The following ZNF175 variants were observed in gnomAD, a reference collection of about 807,000 sequenced individuals.
ZNF175 encodes zinc finger protein 175, also known as zinc finger protein OTK18.
Under a neutral mutation model 14.0 loss-of-function variants are expected in ZNF175, and 8 were observed. That is an observed-to-expected ratio of 0.57 (90% CI 0.34 to 1.03). ZNF175 has a LOEUF of 1.03. ZNF175 is among the 50% of genes least tolerant of loss of function. The pLI is 0.03. For missense variants in ZNF175, 764 were observed against 849.5 expected (o/e 0.90, Z 1.25); for synonymous variants, 255 against 296.8 (o/e 0.86, Z 1.45).
intron 2 of ZNF175, among the ~76,000 whole-genome samples, chr19:51,577,379 C>T (rs1275945494): frequency 2.0e-5 from 3 of 152,032 alleles, no homozygotes; most frequent in Non-Finnish European, 4.4e-5. Context: ...TTTTTATGCT[C>T]TGTCATTTTC....
Position 51,588,507 on chromosome 19 carries a change from C to T in ZNF175, c.*40C>T. 1 of 1,497,526 alleles carries T rather than the reference C, an allele frequency of 6.7e-7. No individual in the cohort carries two copies. The highest frequency in any genetic ancestry group is 8.8e-7 in the Non-Finnish European group (1 of 1,131,548). 92.8% of individuals were successfully genotyped at this position (1,497,526 alleles called of 1,614,324 possible). A position where few individuals can be genotyped will look rare whatever the true frequency, so the allele number is the denominator to read the frequency against. On this transcript the variant is annotated 3_prime_UTR_variant, in exon 5 of 5. Transcript: ENST00000262259. ...AGCATATTCATAAATGAAATATACT[C>T]CGAGTTTCTTGAAGAAGAGAAAATC...
intron 2 of ZNF175, among the ~76,000 whole-genome samples, chr19:51,575,363 C>T (rs966544153): frequency 1.1e-4 from 16 of 151,824 alleles, no homozygotes; most frequent in African/African-American, 3.4e-4. Context: ...AGTACAGGCG[C>T]CTGACAGCAC....
At chr19:51,577,663 C>CTTTT (rs35533410) in intron 2 of ZNF175, among the ~76,000 whole-genome samples, 27 of 127,238 alleles carry the variant, frequency 2.1e-4, no homozygotes, top group African/African-American at 6.2e-4. Context: ...CTTTCTCTCT[C>CTTTT]TTTTTTTTTT....
chr19:51,589,340 G>A lies in ZNF175; in HGVS notation c.*873G>A. On this transcript the variant is annotated 3_prime_UTR_variant, in exon 5 of 5. Coordinates refer to ENST00000262259, the MANE Select transcript of ZNF175 (RefSeq NM_007147.4). The stretch of plus-strand genomic sequence containing the variant: ...CAGAATTCACTGCATAGCAGGAGAT[G>A]TAAGCAGATGAGTTATTTTTTAAGA... 1 of 573,788 alleles carries A rather than the reference G, an allele frequency of 1.7e-6. No individual in the cohort carries two copies. Among genetic ancestry groups the A allele is most frequent in the Non-Finnish European group, 3.1e-6 (1 of 325,450 alleles). The allele number at this position is 573,788 out of a possible 1,614,324, so 35.5% of individuals were successfully genotyped here. A position where few individuals can be genotyped will look rare whatever the true frequency, so the allele number is the denominator to read the frequency against.
rs370993582 is a variant in ZNF175 at position 51,581,523 on chromosome 19, C to T, written c.199+6C>T. ...TAGCCATCTCTTCGCAGTGGGTGAGCACAACTGACCTGGGAATCTTGGCTG... is the reference window on the plus strand; with the variant it reads ...TAGCCATCTCTTCGCAGTGGGTGAGTACAACTGACCTGGGAATCTTGGCTG... On this transcript the variant is annotated splice_donor_region_variant and intron_variant, in intron 3 of 4. Transcript: ENST00000262259. 187 of 1,607,270 alleles carry T rather than the reference C, an allele frequency of 1.2e-4. No homozygotes were observed. In the South Asian group the frequency reaches 2.0e-3, roughly 17 times the overall value.
chr19:51,574,796 G>A (rs1168929474), intron 2 of ZNF175, among the ~76,000 whole-genome samples: 6 of 152,176 alleles, frequency 3.9e-5, no homozygotes, highest in African/African-American at 1.2e-4. Flanking sequence ...CAAGTTTAGC[G>A]TTTTAGGACA....
intron 4 of ZNF175, among the ~76,000 whole-genome samples, chr19:51,582,630 C>G (rs1455261145): frequency 6.6e-6 from 1 of 152,162 alleles, no homozygotes; most frequent in African/African-American, 2.4e-5. Context: ...TTTCTAATAA[C>G]TGAATGGTGA....
In ZNF175 at chr19:51,587,025, C is replaced by G. The variant is rs188827294; in HGVS notation, c.694C>G (p.Leu232Val). ...QLDDVVGSGQLFSHSSSDACS... is the reference protein window; with the variant it reads ...QLDDVVGSGQVFSHSSSDACS... ...TGATGACGTTGTTGGGTCTGGTCAGCTATTCAGCCATAGCTCTTCTGATGC... is the reference window on the plus strand; with the variant it reads ...TGATGACGTTGTTGGGTCTGGTCAGGTATTCAGCCATAGCTCTTCTGATGC... Residue 232 changes from leucine to valine, a missense_variant, in exon 5 of 5, where the codon CTA (leucine) becomes GTA (valine). Physicochemically the swap from Leu to Val is conservative, Grantham distance 32. Coordinates refer to ENST00000262259, the MANE Select transcript of ZNF175 (RefSeq NM_007147.4). 3.5e-5 allele frequency: 57 copies of G among 1,614,180 alleles called. No individual in the cohort carries two copies. In the Admixed American group the frequency reaches 9.5e-4, roughly 27 times the overall value.
intron 2 of ZNF175, among the ~76,000 whole-genome samples, chr19:51,580,904 T>C (rs966262455): frequency 2.0e-5 from 3 of 152,242 alleles, no homozygotes; most frequent in Non-Finnish European, 2.9e-5. Flanking sequence ...TAGGTAGAAT[T>C]TGCCTTTCCC....
chr19:51,583,614 A>T (rs762950983), intron 4 of ZNF175, among the ~76,000 whole-genome samples: 2 of 152,184 alleles, frequency 1.3e-5, no homozygotes, highest in African/African-American at 2.4e-5. Flanking sequence ...GAGTTTAGTC[A>T]AGATACTGAC....
At position 51,589,848 on chromosome 19, in the gene ZNF175, T is replaced by C; in HGVS notation, c.*1381T>C. ...TGAAAATATCTACTCTCTGGCTCTT[T>C]ACAGAAAATGTTTGCCAGCACATGA... On this transcript the variant is annotated 3_prime_UTR_variant, in exon 5 of 5. Coordinates refer to ENST00000262259, the MANE Select transcript of ZNF175 (RefSeq NM_007147.4). 1.9e-6 allele frequency: 1 copy of C among 520,470 alleles called. No individual in the cohort carries two copies. The highest frequency in any genetic ancestry group is 3.4e-6 in the Non-Finnish European group (1 of 294,662). The allele number at this position is 520,470 out of a possible 1,614,324, so 32.2% of individuals were successfully genotyped here. A position where few individuals can be genotyped will look rare whatever the true frequency, so the allele number is the denominator to read the frequency against.
At chr19:51,575,709 G>A (rs1290221817) in intron 2 of ZNF175, among the ~76,000 whole-genome samples, 1 of 152,002 alleles carries the variant, frequency 6.6e-6, no homozygotes, top group African/African-American at 2.4e-5. Context: ...TAATTATTTT[G>A]GCATTTACCT....
rs1267212840 is a variant in ZNF175 at position 51,581,581 on chromosome 19, TGCAGAAC to T, written c.199+69_199+75del. The T allele has an allele frequency of 6.4e-6, 10 of 1,572,386 alleles. No individual in the cohort carries two copies. The East Asian group carries it at 2.2e-4, about 35-fold the overall frequency. On this transcript the variant is annotated intron_variant, in intron 3 of 4. Coordinates refer to ENST00000262259, the MANE Select transcript of ZNF175 (RefSeq NM_007147.4). ...TTGAGGAGATTTCCTTCCTCCTCAT[TGCAGAAC>T]GCAGTGGGATATCAAAGTATGTCAT...
chr19:51,576,038 A>G (rs1041214278), intron 2 of ZNF175, among the ~76,000 whole-genome samples: 3 of 152,124 alleles, frequency 2.0e-5, no homozygotes, highest in African/African-American at 7.2e-5. Flanking sequence ...TTGCCTATAT[A>G]CATGTTAATG....
intron 4 of ZNF175, among the ~76,000 whole-genome samples, chr19:51,583,810 A>ATTGTTTT (rs1480492696): frequency 6.6e-6 from 1 of 152,132 alleles, no homozygotes; most frequent in East Asian, 1.9e-4. Context: ...GCTCTGCTCC[A>ATTGTTTT]TTGTTTTTGT....
In ZNF175 at chr19:51,587,502, T is replaced by C; in HGVS notation, c.1171T>C (p.Tyr391His). 1 of 1,614,226 alleles carries C rather than the reference T, an allele frequency of 6.2e-7. No individual in the cohort carries two copies. Among genetic ancestry groups the C allele is most frequent in the Non-Finnish European group, 8.5e-7 (1 of 1,180,022 alleles). ...GAGAACTCACAGTAGAGAAAAACTC[T>C]ATGAATGCAGTGAATGTGGCAAAGG... ...HQRTHSREKLYECSECGKGFS... is the reference protein window; with the variant it reads ...HQRTHSREKLHECSECGKGFS... Residue 391 changes from tyrosine (Y) to histidine (H), a missense_variant, in exon 5 of 5, where the codon TAT (tyrosine) becomes CAT (histidine). Coordinates refer to ENST00000262259, the MANE Select transcript of ZNF175 (RefSeq NM_007147.4).
rs1033896027 is a variant in ZNF175 at position 51,573,618 on chromosome 19, G to T, written c.72+217G>T. On this transcript the variant is annotated intron_variant, in intron 2 of 4. Transcript: ENST00000262259. ...TAGTAGAGGGTTGGCCTTGGGTCAA[G>T]AAAGAAGAAACTGTAGTCCCTGGTC... The T allele has an allele frequency of 5.5e-6, 3 of 542,356 alleles. No individual in the cohort carries two copies. In the East Asian group the frequency reaches 9.9e-5, roughly 18 times the overall value. The allele number at this position is 542,356 out of a possible 1,614,324, so 33.6% of individuals were successfully genotyped here. A position where few individuals can be genotyped will look rare whatever the true frequency, so the allele number is the denominator to read the frequency against.
chr19:51,587,703 C>G lies in ZNF175; in HGVS notation c.1372C>G (p.Gln458Glu). The part of the protein sequence containing the change: ...VCIECGQAFI[Q>E]KAHLIVHQRS... ...TATCGAATGCGGGCAGGCCTTCATC[C>G]AGAAGGCACACCTGATTGTCCATCA... Residue 458 changes from glutamine (Q) to glutamate (E), a missense_variant, in exon 5 of 5, where the codon CAG becomes GAG. Coordinates refer to ENST00000262259, the MANE Select transcript of ZNF175 (RefSeq NM_007147.4). 1 of 1,614,032 alleles carries G rather than the reference C, an allele frequency of 6.2e-7. No homozygotes were observed. The highest frequency in any genetic ancestry group is 1.1e-5 in the South Asian group (1 of 91,072).
In ZNF175 at chr19:51,588,016, G is replaced by A. The variant is rs112000152; in HGVS notation, c.1685G>A (p.Ser562Asn). 1.6e-5 allele frequency: 26 copies of A among 1,614,218 alleles called. No homozygotes were observed. The highest frequency in any genetic ancestry group is 1.6e-4 in the African/African-American group (12 of 75,070). ...ACCGGAGAGAAGCCTTACAAATGCA[G>A]TGAATGTGGGAAAGCCTTCACTTCT... Reference protein sequence around the residue: ...IHTGEKPYKCSECGKAFTSKS... With the variant: ...IHTGEKPYKCNECGKAFTSKS... Residue 562 changes from serine to asparagine, a missense_variant, in exon 5 of 5, where the codon AGT becomes AAT. Transcript: ENST00000262259.
Sources: allele counts gnomAD v4.1 joint callset (sites outside exome capture counted in the v4.1 genomes callset), GRCh38; gene constraint gnomAD v4.1.1; transcripts MANE v1.5; gene names NCBI Gene and HGNC (gene_info 2026-07-23, HGNC 2026-07-21).